The following PCDH15 variants were observed in gnomAD, a reference collection of about 807,000 sequenced individuals.
PCDH15 encodes protocadherin-15.
PCDH15 carries 129 observed loss-of-function variants against 178.5 expected under a neutral mutation model. The observed-to-expected ratio is 0.72, with a 90% CI of 0.63 to 0.84. The LOEUF is 0.84. Among genes scored for constraint, PCDH15 ranks in the 40% least tolerant of loss-of-function variants. The pLI, the probability that PCDH15 is intolerant of heterozygous loss-of-function variation, is 0.00. For synonymous variants in PCDH15, 800 were observed against 732.0 expected (o/e 1.09, Z -1.50); for missense variants, 2,230 against 2,099.9 (o/e 1.06, Z -1.21).
chr10:54,132,716 T>G (rs1462783599), intron 15 of PCDH15, among the ~76,000 whole-genome samples, 159 bp downstream of exon 15: 1 of 152,182 alleles, frequency 6.6e-6, no homozygotes, highest in African/African-American at 2.4e-5. Flanking sequence ...TCCATCCATA[T>G]TACCCTTGCT....
At chr10:54,456,670 G>A (rs997274812) in intron 3 of PCDH15, among the ~76,000 whole-genome samples, 1 of 152,120 alleles carries the variant, frequency 6.6e-6, no homozygotes, top group African/African-American at 2.4e-5. Flanking sequence ...TGAGATTTGG[G>A]AGGGACTAGG....
chr10:54,077,339 C>A (rs1299373538), intron 17 of PCDH15, among the ~76,000 whole-genome samples: 1 of 152,098 alleles, frequency 6.6e-6, no homozygotes, highest in Non-Finnish European at 1.5e-5. Flanking sequence ...AAGAACAAAA[C>A]TACTGATTTT....
At chr10:55,038,512 A>G (rs186349618) in intron 2 of PCDH15, among the ~76,000 whole-genome samples, 267 of 152,358 alleles carry the variant, frequency 1.8e-3, no homozygotes, top group African/African-American at 6.0e-3. Context: ...AAAGTGAGGC[A>G]AAACTGGAAA....
rs1460551670 is a variant in PCDH15, at chr10:54,452,919, T to A, written c.158-73977A>T. On this transcript the variant is annotated intron_variant, in intron 3 of 37. Coordinates refer to ENST00000644397, the MANE Select transcript of PCDH15 (RefSeq NM_001384140.1). ...TCCACTGTCAAAATTCATGTCCACC[T>A]GGAACCTCAGAATGTGAGCTTGTTT... 2.0e-5 allele frequency among the ~76,000 whole-genome samples: 3 copies of A among 152,122 alleles called. No individual in the cohort carries two copies. In the East Asian group the frequency reaches 5.8e-4, roughly 29 times the overall value.
chr10:55,600,795 GT>G (rs1313763074), intron 2 of PCDH15, among the ~76,000 whole-genome samples: 2 of 152,020 alleles, frequency 1.3e-5, no homozygotes, highest in Admixed American at 6.6e-5. Flanking sequence ...TGTAGAACCG[GT>G]GCCCAGGTCT....
intron 2 of PCDH15, among the ~76,000 whole-genome samples, chr10:55,142,272 CA>C (rs569787687): frequency 4.5e-4 from 69 of 152,156 alleles, no homozygotes; most frequent in African/African-American, 1.4e-3. Flanking sequence ...TTGAGTCTGG[CA>C]ATGACCCAGG....
chr10:54,147,016 T>TATATAAC (rs1491305720), intron 14 of PCDH15, among the ~76,000 whole-genome samples: 1 of 79,236 alleles, frequency 1.3e-5, no homozygotes, highest in Admixed American at 1.3e-4. Context: ...GTATATATAA[T>TATATAAC]GTGTATATAT....
At chr10:54,037,934 T>C (rs948164271) in intron 18 of PCDH15, among the ~76,000 whole-genome samples, 2 of 151,994 alleles carry the variant, frequency 1.3e-5, no homozygotes, top group East Asian at 1.9e-4. Context: ...TAAAGACTGA[T>C]TGCTTTTGAC....
intron 3 of PCDH15, among the ~76,000 whole-genome samples, chr10:54,434,604 G>A (rs907647815): frequency 8.5e-5 from 13 of 152,298 alleles, no homozygotes; most frequent in Admixed American, 8.5e-4. Flanking sequence ...ATCTAGGTTT[G>A]TGTAAGTAAG....
intron 2 of PCDH15, among the ~76,000 whole-genome samples, chr10:54,553,680 A>G (rs2086857076): frequency 1.3e-5 from 2 of 151,896 alleles, no homozygotes; most frequent in African/African-American, 4.8e-5. Context: ...CCTGGAGTCA[A>G]CTCTTCAAAA....
At position 53,804,664 on chromosome 10, in the gene PCDH15, A is replaced by G. The variant is rs1317776316; in HGVS notation, c.*1915T>C. Reference sequence around the variant, plus strand: ...ACTGAGATGATCTGGGGGTATCAAGATAATATTAAATTATATTCGATGACC... The same window carrying G: ...ACTGAGATGATCTGGGGGTATCAAGGTAATATTAAATTATATTCGATGACC... On this transcript the variant is annotated 3_prime_UTR_variant, in exon 38 of 38. Coordinates refer to ENST00000644397, the MANE Select transcript of PCDH15 (RefSeq NM_001384140.1). 1 of 152,040 alleles carries G rather than the reference A, an allele frequency of 6.6e-6. No individual in the cohort carries two copies. Among genetic ancestry groups the G allele is most frequent in the Non-Finnish European group, 1.5e-5 (1 of 67,938 alleles). 9.4% of individuals were successfully genotyped at this position (152,040 alleles called of 1,614,324 possible).
intron 2 of PCDH15, among the ~76,000 whole-genome samples, chr10:55,050,191 G>A (rs1217576864): frequency 6.6e-6 from 1 of 151,922 alleles, no homozygotes; most frequent in Non-Finnish European, 1.5e-5. Context: ...AAATATAACA[G>A]TTTTTCCTGA....
intron 8 of PCDH15, among the ~76,000 whole-genome samples, chr10:54,310,168 A>G (rs2060814783): frequency 6.6e-6 from 1 of 152,116 alleles, no homozygotes; most frequent in Admixed American, 6.6e-5. Context: ...GAAAGTGGTC[A>G]GATATAAGTT....
intron 2 of PCDH15, among the ~76,000 whole-genome samples, chr10:55,619,392 C>G (rs1843543548): frequency 6.6e-6 from 1 of 151,886 alleles, no homozygotes; most frequent in African/African-American, 2.4e-5. Context: ...AAACAAAAGT[C>G]TTAAAATTAT....
intron 1 of PCDH15, among the ~76,000 whole-genome samples, chr10:54,700,195 A>C (rs1196958723): frequency 6.6e-6 from 1 of 152,098 alleles, no homozygotes; most frequent in Non-Finnish European, 1.5e-5. Flanking sequence ...GAATCAAAGA[A>C]GATAAAAGCA....
intron 21 of PCDH15, among the ~76,000 whole-genome samples, chr10:53,969,404 T>G (rs1021548400): frequency 1.1e-4 from 17 of 152,062 alleles, no homozygotes; most frequent in African/African-American, 3.6e-4. Context: ...AAAGTGACAG[T>G]GAGAATGGAA....
chr10:55,227,056 G>T (rs1217432969), intron 1 of PCDH15, among the ~76,000 whole-genome samples: 1 of 151,860 alleles, frequency 6.6e-6, no homozygotes, highest in Non-Finnish European at 1.5e-5. Flanking sequence ...ATTCCACAAT[G>T]TATATACATT....
intron 2 of PCDH15, among the ~76,000 whole-genome samples, chr10:55,554,793 C>T (rs1173643046): frequency 6.6e-6 from 1 of 151,932 alleles, no homozygotes; most frequent in African/African-American, 2.4e-5. Context: ...ACCTAATGTC[C>T]TTTTATGTTC....
chr10:55,246,098 C>T (rs1367186182), intron 1 of PCDH15, among the ~76,000 whole-genome samples: 1 of 152,188 alleles, frequency 6.6e-6, no homozygotes, highest in African/African-American at 2.4e-5. Context: ...TCTTTTATCA[C>T]TATTTTGCTG....
Sources: gnomAD v4.1 joint callset for allele counts (sites outside exome capture counted in the v4.1 genomes callset) on GRCh38, gnomAD v4.1.1 for gene constraint, MANE v1.5 for transcripts, NCBI Gene and HGNC (gene_info 2026-07-23, HGNC 2026-07-21) for gene names.